The following LRRC3B variants were observed in gnomAD, a reference collection of about 807,000 sequenced individuals.
LRRC3B encodes the protein leucine-rich repeat-containing protein 3B.
A neutral mutation model predicts 12.8 loss-of-function variants in LRRC3B; 2 were observed. The observed-to-expected ratio is 0.16, with a 90% CI of 0.06 to 0.49. The LOEUF is 0.49. LRRC3B is among the 20% of genes least tolerant of loss of function. The pLI, the probability that LRRC3B is intolerant of heterozygous loss-of-function variation, is 0.96. For missense variants in LRRC3B, 189 were observed against 319.4 expected, an observed-to-expected ratio of 0.59 and a Z score of 3.11; for synonymous variants, 132 against 122.0, an observed-to-expected ratio of 1.08 and a Z score of -0.54.
intron 1 of LRRC3B, among the ~76,000 whole-genome samples, chr3:26,698,707 C>A (rs747901482): frequency 1.3e-5 from 2 of 152,104 alleles, no homozygotes; most frequent in Non-Finnish European, 2.9e-5. Context: ...CACTGTTTCT[C>A]ACAATATATA....
At position 26,709,550 on chromosome 3, in the gene LRRC3B, G is replaced by GTGTT; in HGVS notation, c.-122_-119dup. The stretch of plus-strand genomic sequence containing the variant: ...GGAAAGAAATAATGAAGAGACACAT[G>GTGTT]TGTTAGCTGCAGCCTTTTGAAACAC... On this transcript the variant is annotated 5_prime_UTR_variant, in exon 2 of 2. The change abolishes the stop of an existing upstream ORF in the 5' untranslated region. Transcript: ENST00000396641. 1 of 900,404 alleles carries GTGTT rather than the reference G, an allele frequency of 1.1e-6. No homozygotes were observed. Among genetic ancestry groups the GTGTT allele is most frequent in the Non-Finnish European group, 1.7e-6 (1 of 576,810 alleles). The allele number at this position is 900,404 out of a possible 1,614,324, so 55.8% of individuals were successfully genotyped here. A position where few individuals can be genotyped will look rare whatever the true frequency, so the allele number is the denominator to read the frequency against.
chr3:26,680,049 A>G (rs1211379119), intron 1 of LRRC3B, among the ~76,000 whole-genome samples: 1 of 152,220 alleles, frequency 6.6e-6, no homozygotes, highest in Non-Finnish European at 1.5e-5. Context: ...CATGTGCAAC[A>G]AATTTCCCAG....
chr3:26,692,313 A>C (rs575608321), intron 1 of LRRC3B, among the ~76,000 whole-genome samples: 1 of 152,180 alleles, frequency 6.6e-6, no homozygotes, highest in Non-Finnish European at 1.5e-5. Flanking sequence ...CCTGGTCTTA[A>C]CCCCTGGACT....
At chr3:26,637,435 G>C (rs928323067) in intron 1 of LRRC3B, among the ~76,000 whole-genome samples, 1 of 152,124 alleles carries the variant, frequency 6.6e-6, no homozygotes, top group African/African-American at 2.4e-5. Context: ...GCCATTACTA[G>C]TTTTATAAAG....
chr3:26,642,785 G>A (rs1699057993), intron 1 of LRRC3B, among the ~76,000 whole-genome samples: 1 of 152,124 alleles, frequency 6.6e-6, no homozygotes, highest in African/African-American at 2.4e-5. Flanking sequence ...TTGGGAGGCC[G>A]AGGGAGGCAG....
At chr3:26,707,269 G>T (rs1297521933) in intron 1 of LRRC3B, among the ~76,000 whole-genome samples, 1 of 151,978 alleles carries the variant, frequency 6.6e-6, no homozygotes, top group Non-Finnish European at 1.5e-5. Flanking sequence ...GGAGGCTGGG[G>T]TGGGAGAATT....
intron 1 of LRRC3B, among the ~76,000 whole-genome samples, chr3:26,637,068 C>T: frequency 6.6e-6 from 1 of 150,568 alleles, no homozygotes; most frequent in Non-Finnish European, 1.5e-5. Flanking sequence ...GTGATCTCGG[C>T]TCACTGCAAC....
intron 1 of LRRC3B, among the ~76,000 whole-genome samples, chr3:26,673,860 C>A (rs924701840): frequency 2.0e-5 from 3 of 152,222 alleles, no homozygotes; most frequent in Non-Finnish European, 4.4e-5. Context: ...ACCCTGTCCA[C>A]TCTTTTGAGG....
chr3:26,681,513 A>G (rs924908002), intron 1 of LRRC3B, among the ~76,000 whole-genome samples: 2 of 152,184 alleles, frequency 1.3e-5, no homozygotes, highest in Non-Finnish European at 2.9e-5. Context: ...AGGCTTAGCA[A>G]TTATTAATAA....
chr3:26,706,044 A>G (rs1700578876), intron 1 of LRRC3B, among the ~76,000 whole-genome samples: 1 of 152,116 alleles, frequency 6.6e-6, no homozygotes, highest in Non-Finnish European at 1.5e-5. Flanking sequence ...GGAGCCTGCA[A>G]AGCTCAACAT....
chr3:26,637,673 A>G (rs768838275), intron 1 of LRRC3B, among the ~76,000 whole-genome samples: 2 of 152,208 alleles, frequency 1.3e-5, no homozygotes, highest in African/African-American at 2.4e-5. Flanking sequence ...TTTTCCTACT[A>G]TAGATCCCTG....
intron 1 of LRRC3B, among the ~76,000 whole-genome samples, chr3:26,678,391 G>A (rs1331678642): frequency 6.6e-6 from 1 of 152,098 alleles, no homozygotes; most frequent in Non-Finnish European, 1.5e-5. Flanking sequence ...CTACTCGGGA[G>A]GCTGAGGTAG....
At chr3:26,642,939 C>T (rs1699061608) in intron 1 of LRRC3B, among the ~76,000 whole-genome samples, 1 of 151,080 alleles carries the variant, frequency 6.6e-6, no homozygotes, top group Admixed American at 6.6e-5. Flanking sequence ...ATCACCTGAA[C>T]CCAGGAGGCA....
chr3:26,649,436 G>A (rs185175944), intron 1 of LRRC3B, among the ~76,000 whole-genome samples: 2 of 150,410 alleles, frequency 1.3e-5, no homozygotes, highest in Non-Finnish European at 3.0e-5. Context: ...TCAAGGAAGC[G>A]AAGAGAACAC....
intron 1 of LRRC3B, among the ~76,000 whole-genome samples, chr3:26,685,523 CTATATATATA>C (rs57407254): frequency 0.063 from 2,405 of 38,162 alleles, 84 homozygotes; most frequent in Non-Finnish European, 0.067. Context: ...CTCTCTCTCT[CTATATATATA>C]TATATATATA....
chr3:26,705,926 C>T (rs1644034109), intron 1 of LRRC3B, among the ~76,000 whole-genome samples: 1 of 152,152 alleles, frequency 6.6e-6, no homozygotes, highest in South Asian at 2.1e-4. Context: ...TCCATCCTCC[C>T]TGGTGAAGAT....
intron 1 of LRRC3B, among the ~76,000 whole-genome samples, chr3:26,633,425 C>T (rs1265019037): frequency 6.6e-6 from 1 of 152,136 alleles, no homozygotes; most frequent in Non-Finnish European, 1.5e-5. Context: ...ATGAGAAGTA[C>T]TACTTAAGTT....
At chr3:26,691,577 T>A (rs1700195157) in intron 1 of LRRC3B, among the ~76,000 whole-genome samples, 1 of 152,168 alleles carries the variant, frequency 6.6e-6, no homozygotes, top group African/African-American at 2.4e-5. Context: ...AACTTCTCCA[T>A]CCATTTCTAA....
chr3:26,633,840 T>G (rs141321832), intron 1 of LRRC3B, among the ~76,000 whole-genome samples: 2 of 152,290 alleles, frequency 1.3e-5, no homozygotes, highest in African/African-American at 2.4e-5. Context: ...CAGTTTCCTT[T>G]TAGTCCTTTT....
Sources: gnomAD v4.1 joint callset for allele counts (sites outside exome capture counted in the v4.1 genomes callset) on GRCh38, gnomAD v4.1.1 for gene constraint, MANE v1.5 for transcripts, NCBI Gene and HGNC (gene_info 2026-07-23, HGNC 2026-07-21) for gene names.